The following SLC23A2 variants were observed in gnomAD, a reference collection of about 807,000 sequenced individuals.
The protein encoded by SLC23A2 is Na(+)/L-ascorbic acid transporter 2.
SLC23A2 carries 36 observed loss-of-function variants against 73.3 expected under a neutral mutation model. The observed-to-expected ratio is 0.49, with a 90% CI of 0.38 to 0.65. The LOEUF (loss-of-function observed/expected upper bound fraction) is 0.65. SLC23A2 is among the 30% of genes least tolerant of loss of function. SLC23A2 has a pLI of 0.00. For synonymous variants in SLC23A2, 343 were observed against 327.3 expected (o/e 1.05, Z -0.52); for missense variants, 507 against 841.6 (o/e 0.60, Z 4.92).
chr20:5,002,530 T>C (rs2088142363), upstream of SLC23A2, among the ~76,000 whole-genome samples: 1 of 152,260 alleles, frequency 6.6e-6, no homozygotes, highest in Admixed American at 6.5e-5. Context: ...ACGGTGTCTG[T>C]CTGACCTCAC....
Position 4,877,051 on chromosome 20 carries a change from T to A in SLC23A2, c.825-2355A>T, listed in dbSNP as rs1461222978. Among the ~76,000 whole-genome samples the A allele has an allele frequency of 5.9e-5, 9 of 152,238 alleles. No individual in the cohort carries two copies. The East Asian group carries it at 1.7e-3, about 29-fold the overall frequency. On this transcript the variant is annotated intron_variant, in intron 9 of 16. Transcript: ENST00000338244. ...GGGGGAGGGATAGCATTAGGAGATA[T>A]ACCTAATGTAAATGACGAGTTAATG...
chr20:4,965,291 T>A (rs1240923340), intron 2 of SLC23A2, among the ~76,000 whole-genome samples: 2 of 152,184 alleles, frequency 1.3e-5, no homozygotes, highest in South Asian at 2.1e-4. Context: ...GCGCTCTTCA[T>A]ACTCGGTAAA....
Position 4,883,531 on chromosome 20 carries a change from G to T in SLC23A2, c.824+111C>A. Reference sequence around the variant, plus strand: ...TCCCCAGCACGAAGCAAATAAAGTTGAAACTGTCAGACCATTCTTATTATT... The same window carrying T: ...TCCCCAGCACGAAGCAAATAAAGTTTAAACTGTCAGACCATTCTTATTATT... On this transcript the variant is annotated intron_variant, in intron 9 of 16. Coordinates refer to ENST00000338244, the MANE Select transcript of SLC23A2 (RefSeq NM_005116.6). This position sits in a 1 kb window ranked among gnomAD's most constrained non-coding sequence, Gnocchi z 4.5. The T allele has an allele frequency of 2.4e-6, 2 of 821,682 alleles. No individual in the cohort carries two copies. Among genetic ancestry groups the T allele is most frequent in the Non-Finnish European group, 3.8e-6 (2 of 530,376 alleles). The allele number at this position is 821,682 out of a possible 1,614,324, so 50.9% of individuals were successfully genotyped here.
At position 4,970,803 on chromosome 20, in the gene SLC23A2, T is replaced by G. The variant is rs2087549132; in HGVS notation, c.-165A>C. The G allele has an allele frequency of 6.6e-6, 1 of 152,212 alleles. No homozygotes were observed. The allele number at this position is 152,212 out of a possible 1,614,324, so 9.4% of individuals were successfully genotyped here. A position where few individuals can be genotyped will look rare whatever the true frequency, so the allele number is the denominator to read the frequency against. ...GTGTTTTACACGCACCTAAGTGATG[T>G]GGCGTAGACCTGTCCATATGCTTTC... On this transcript the variant is annotated 5_prime_UTR_variant, in exon 2 of 17. Transcript: ENST00000338244.
At chr20:4,875,571 G>C (rs972417815) in intron 9 of SLC23A2, among the ~76,000 whole-genome samples, 1 of 152,120 alleles carries the variant, frequency 6.6e-6, no homozygotes, top group Non-Finnish European at 1.5e-5. Context: ...GAGCCTCACG[G>C]TCCTGACTGA....
intron 1 of SLC23A2, among the ~76,000 whole-genome samples, chr20:4,983,471 C>T (rs1600201919): frequency 7.0e-6 from 1 of 142,838 alleles, no homozygotes; most frequent in South Asian, 2.1e-4. Flanking sequence ...ACGGTGAAAC[C>T]CCGTCTCTAC....
chr20:4,914,061 T>C (rs979844367), intron 3 of SLC23A2, among the ~76,000 whole-genome samples: 2 of 151,816 alleles, frequency 1.3e-5, no homozygotes, highest in Non-Finnish European at 2.9e-5. Context: ...TGCAACTACA[T>C]TTAAAAACTA....
chr20:4,908,073 T>A (rs927547525), intron 4 of SLC23A2, among the ~76,000 whole-genome samples: 7 of 152,148 alleles, frequency 4.6e-5, no homozygotes, highest in African/African-American at 7.2e-5. Context: ...AGAGAACTGA[T>A]AGCTGGAGGA....
At chr20:4,880,354 G>C (rs1200552491) in intron 9 of SLC23A2, among the ~76,000 whole-genome samples, 2 of 152,100 alleles carry the variant, frequency 1.3e-5, no homozygotes, top group African/African-American at 4.8e-5. Context: ...TGGGTTTACC[G>C]GGCTTCCTGA....
intron 9 of SLC23A2, among the ~76,000 whole-genome samples, chr20:4,881,437 C>T (rs1930879751): frequency 6.6e-6 from 1 of 152,144 alleles, no homozygotes; most frequent in African/African-American, 2.4e-5. Context: ...ATTTTGGTTA[C>T]TTAAGTTTTC....
At chr20:4,934,220 A>G (rs928849328) in intron 2 of SLC23A2, among the ~76,000 whole-genome samples, 1 of 152,160 alleles carries the variant, frequency 6.6e-6, no homozygotes, top group Non-Finnish European at 1.5e-5. Context: ...CTCAATCCAG[A>G]GTAATTTTGC....
rs2088054405 is a variant in SLC23A2 at position 4,998,112 on chromosome 20, T to C, written c.-282+3294A>G. Among the ~76,000 whole-genome samples, 1 of 152,194 alleles carries C rather than the reference T, an allele frequency of 6.6e-6. No individual in the cohort carries two copies. The highest frequency in any genetic ancestry group is 1.5e-5 in the Non-Finnish European group (1 of 68,024). ...CACCCACACTGTGCTATTTTTGTTA[T>C]GGCAGTGTTAGCAGACTCATATACC... is the stretch of plus-strand genomic sequence containing the variant. On this transcript the variant is annotated intron_variant, in intron 1 of 16. Transcript: ENST00000338244. The surrounding 1 kb of genome is among the most constrained non-coding windows in gnomAD (Gnocchi z 4.1).
chr20:4,945,038 T>C (rs992855209), intron 2 of SLC23A2, among the ~76,000 whole-genome samples: 1 of 151,902 alleles, frequency 6.6e-6, no homozygotes, highest in Non-Finnish European at 1.5e-5. Flanking sequence ...TTGTATATGA[T>C]CAACTTCCTT....
Position 4,899,571 on chromosome 20 carries a change from T to C in SLC23A2, c.466A>G (p.Thr156Ala). 6.2e-7 allele frequency: 1 copy of C among 1,614,088 alleles called. No homozygotes were observed. The highest frequency in any genetic ancestry group is 8.5e-7 in the Non-Finnish European group (1 of 1,180,000). ...FCVGITTLLQ[T>A]TFGCRLPLFQ... ...CAATCTCACCTGCATCCAAACGTTG[T>C]CTGTAGCAAAGTAGTGATTCCCACA... Residue 156 changes from threonine (T) to alanine (A), a missense_variant, in exon 6 of 17, where the codon ACA becomes GCA. This residue lies in a region of SLC23A2 where 217 missense variants were observed against 398.0 expected (regional missense o/e 0.55). Coordinates refer to ENST00000338244, the MANE Select transcript of SLC23A2 (RefSeq NM_005116.6). This position sits in a 1 kb window ranked among gnomAD's most constrained non-coding sequence, Gnocchi z 4.9.
Position 4,857,215 on chromosome 20 carries a change from T to A in SLC23A2, c.1721-11A>T, listed in dbSNP as rs1929747017. 2 of 1,529,330 alleles carry A rather than the reference T, an allele frequency of 1.3e-6. No homozygotes were observed. The allele number at this position is 1,529,330 out of a possible 1,614,324, so 94.7% of individuals were successfully genotyped here. A position where few individuals can be genotyped will look rare whatever the true frequency, so the allele number is the denominator to read the frequency against. ...TTTCCTCTGGAGTGCCTGTCACACA[T>A]CCCAAGATAGAACAAAGGAATGCTT... On this transcript the variant is annotated splice_polypyrimidine_tract_variant and intron_variant, in intron 16 of 16. Transcript: ENST00000338244. This position sits in a 1 kb window ranked among gnomAD's most constrained non-coding sequence, Gnocchi z 4.0.
intron 1 of SLC23A2, among the ~76,000 whole-genome samples, chr20:4,990,366 A>C (rs2087905630): frequency 1.3e-5 from 2 of 151,438 alleles, no homozygotes; most frequent in African/African-American, 4.9e-5. Context: ...CTTATTTTTT[A>C]TTTTATTTTA....
intron 2 of SLC23A2, among the ~76,000 whole-genome samples, chr20:4,965,271 C>T (rs1048901569): frequency 6.6e-6 from 1 of 152,108 alleles, no homozygotes; most frequent in Non-Finnish European, 1.5e-5. Context: ...AAGGTGTGGT[C>T]AAAAGGTAAG....
intron 1 of SLC23A2, among the ~76,000 whole-genome samples, chr20:4,988,727 T>G: frequency 1.5e-5 from 2 of 132,708 alleles, no homozygotes; most frequent in Non-Finnish European, 1.7e-5. Flanking sequence ...AGAGAGAGAC[T>G]TCGTCTCAAA....
chr20:4,897,418 G>A (rs532046104), intron 6 of SLC23A2, among the ~76,000 whole-genome samples: 184 of 152,320 alleles, frequency 1.2e-3, no homozygotes, highest in Non-Finnish European at 1.7e-3. Context: ...AAGGTCATGG[G>A]GGACTCACTC....
Sources: allele counts gnomAD v4.1 joint callset (sites outside exome capture counted in the v4.1 genomes callset), GRCh38; gene constraint gnomAD v4.1.1; regional missense constraint gnomAD v4.1.1; non-coding constraint Gnocchi (gnomAD v3.1); transcripts MANE v1.5; gene names NCBI Gene and HGNC (gene_info 2026-07-23, HGNC 2026-07-21).